The following GMDS variants were observed in gnomAD, a reference collection of about 807,000 sequenced individuals.
GMDS encodes GDP-mannose 4,6-dehydratase.
In GMDS, 20 loss-of-function variants were observed where a neutral mutation model predicts 49.9. The ratio of observed to expected loss-of-function variants is 0.40; its 90% confidence interval spans 0.28 to 0.58. The LOEUF (loss-of-function observed/expected upper bound fraction) is 0.58, where lower values mean the gene tolerates loss of function less well. Among genes scored for constraint, GMDS ranks in the 20% least tolerant of loss-of-function variants. The probability of loss-of-function intolerance (pLI) is 0.42; values close to 1 mark genes in which losing one functional copy is unlikely to be tolerated. For synonymous variants in GMDS, 177 were observed against 178.6 expected (o/e 0.99, Z 0.07); for missense variants, 362 against 481.4 (o/e 0.75, Z 2.32).
intron 1 of GMDS, among the ~76,000 whole-genome samples, chr6:2,129,557 T>C (rs1284796305): frequency 6.6e-6 from 1 of 152,152 alleles, no homozygotes; most frequent in African/African-American, 2.4e-5. Context: ...ATCTCTTTGT[T>C]TAGATCATCT....
At chr6:1,810,137 A>G (rs1270244856) in intron 7 of GMDS, among the ~76,000 whole-genome samples, 1 of 152,124 alleles carries the variant, frequency 6.6e-6, no homozygotes, top group Non-Finnish European at 1.5e-5. Context: ...AGGAGCTCAC[A>G]TTCCAGAGGA....
intron 7 of GMDS, among the ~76,000 whole-genome samples, chr6:1,881,212 A>G (rs1759347170): frequency 2.0e-5 from 3 of 152,214 alleles, no homozygotes; most frequent in Admixed American, 2.0e-4. Context: ...CCTTTCCTGC[A>G]GAAATGGAAC....
At chr6:1,949,518 G>C (rs943287148) in intron 6 of GMDS, among the ~76,000 whole-genome samples, 3 of 152,190 alleles carry the variant, frequency 2.0e-5, no homozygotes, top group African/African-American at 7.2e-5. Context: ...TCAGGAGATG[G>C]GAGGGATTTC....
intron 9 of GMDS, among the ~76,000 whole-genome samples, chr6:1,699,015 C>T (rs947576234): frequency 6.6e-6 from 1 of 152,076 alleles, no homozygotes; most frequent in African/African-American, 2.4e-5. Context: ...CAGCTCAGAC[C>T]TTTAAAAAGT....
At chr6:1,857,263 C>CA (rs1757979537) in intron 7 of GMDS, among the ~76,000 whole-genome samples, 2 of 152,172 alleles carry the variant, frequency 1.3e-5, no homozygotes, top group Non-Finnish European at 2.9e-5. Context: ...TTTCCCACTT[C>CA]AAAAAATCAC....
chr6:2,157,805 A>G (rs1777182659), intron 1 of GMDS, among the ~76,000 whole-genome samples: 1 of 152,208 alleles, frequency 6.6e-6, no homozygotes, highest in South Asian at 2.1e-4. Context: ...TTATTACTCA[A>G]TACAATTATA....
At chr6:2,159,204 C>T (rs928591896) in intron 1 of GMDS, among the ~76,000 whole-genome samples, 1 of 152,056 alleles carries the variant, frequency 6.6e-6, no homozygotes, top group Non-Finnish European at 1.5e-5. Context: ...ATAGTTGACC[C>T]TTGAACAATG....
At chr6:2,173,191 T>C (rs1245529398) in intron 1 of GMDS, among the ~76,000 whole-genome samples, 1 of 152,190 alleles carries the variant, frequency 6.6e-6, no homozygotes, top group Non-Finnish European at 1.5e-5. Context: ...TCAGATACAG[T>C]CTGAAGAAAA....
intron 7 of GMDS, among the ~76,000 whole-genome samples, chr6:1,765,782 C>T (rs1047424037): frequency 6.6e-6 from 1 of 152,090 alleles, no homozygotes; most frequent in African/African-American, 2.4e-5. Context: ...CGCTGGTGCC[C>T]GAGACACTCC....
chr6:1,985,738 C>T (rs1483692061), intron 4 of GMDS, among the ~76,000 whole-genome samples: 2 of 152,098 alleles, frequency 1.3e-5, no homozygotes, highest in Non-Finnish European at 2.9e-5. Flanking sequence ...CACAAGAAGA[C>T]ACACAGGCAG....
At chr6:2,095,247 G>A (rs1360030356) in intron 4 of GMDS, among the ~76,000 whole-genome samples, 1 of 152,150 alleles carries the variant, frequency 6.6e-6, no homozygotes, top group Non-Finnish European at 1.5e-5. Context: ...AATAGTGCAT[G>A]CTTCAGGTAT....
intron 1 of GMDS, among the ~76,000 whole-genome samples, chr6:2,149,192 G>GA (rs554599601): frequency 1.1e-4 from 16 of 150,968 alleles, no homozygotes; most frequent in South Asian, 4.2e-4. Context: ...TTAGCTCACA[G>GA]AAAAAAAAGG....
At chr6:1,737,284 C>G (rs1767031544) in intron 8 of GMDS, among the ~76,000 whole-genome samples, 1 of 152,178 alleles carries the variant, frequency 6.6e-6, no homozygotes, top group Non-Finnish European at 1.5e-5. Context: ...GTAGGGTACT[C>G]TTACAACTCT....
At chr6:1,744,056 C>A (rs1433157692) in intron 7 of GMDS, among the ~76,000 whole-genome samples, 8 of 152,146 alleles carry the variant, frequency 5.3e-5, no homozygotes, top group Non-Finnish European at 7.3e-5. Context: ...AATGAGCCAG[C>A]CTATTTTCTC....
At chr6:2,144,602 G>T (rs1036732883) in intron 1 of GMDS, among the ~76,000 whole-genome samples, 1 of 152,196 alleles carries the variant, frequency 6.6e-6, no homozygotes, top group Non-Finnish European at 1.5e-5. Context: ...GGAGGTCTGG[G>T]TATGGACTAG....
intron 4 of GMDS, among the ~76,000 whole-genome samples, chr6:2,037,793 T>C (rs1252415049): frequency 6.6e-6 from 1 of 152,044 alleles, no homozygotes; most frequent in African/African-American, 2.4e-5. Context: ...GTCTCAAAGG[T>C]GTTGGCAACC....
intron 7 of GMDS, among the ~76,000 whole-genome samples, chr6:1,866,680 G>A (rs761273283): frequency 2.0e-5 from 3 of 152,190 alleles, no homozygotes; most frequent in Admixed American, 1.3e-4. Context: ...GGTAATGCAT[G>A]CACTGTGTTT....
At chr6:1,696,356 A>G (rs982617620) in intron 9 of GMDS, among the ~76,000 whole-genome samples, 7 of 152,320 alleles carry the variant, frequency 4.6e-5, no homozygotes, top group South Asian at 4.1e-4. Context: ...TGGGACACAC[A>G]TGTTGCTAAT....
At chr6:2,028,316 G>A (rs1366123738) in intron 4 of GMDS, among the ~76,000 whole-genome samples, 1 of 152,124 alleles carries the variant, frequency 6.6e-6, no homozygotes. Context: ...TCTAAGTGAA[G>A]AAAAGCTAAA....
Sources: gnomAD v4.1 joint callset for allele counts (sites outside exome capture counted in the v4.1 genomes callset) on GRCh38, gnomAD v4.1.1 for gene constraint, MANE v1.5 for transcripts, NCBI Gene and HGNC (gene_info 2026-07-23, HGNC 2026-07-21) for gene names.